The following RGS7 variants were observed in gnomAD, a reference collection of about 807,000 sequenced individuals.
RGS7 encodes the protein regulator of G-protein signaling 7.
In RGS7, 27 loss-of-function variants were observed where a neutral mutation model predicts 81.1. The observed-to-expected ratio is 0.33, with a 90% confidence interval of 0.25 to 0.46. The LOEUF is 0.46. Ranked by LOEUF, RGS7 falls within the 20% of genes least tolerant of loss-of-function variation. The pLI is 1.00. For synonymous variants in RGS7, 208 were observed against 207.7 expected (o/e 1.00, Z -0.01); for missense variants, 396 against 607.4 (o/e 0.65, Z 3.66).
chr1:240,941,181 G>A (rs889677481), intron 4 of RGS7, among the ~76,000 whole-genome samples: 19 of 152,140 alleles, frequency 1.2e-4, no homozygotes, highest in African/African-American at 4.6e-4. Context: ...ATTTCTATGT[G>A]AGTCACACAC....
intron 3 of RGS7, among the ~76,000 whole-genome samples, chr1:240,997,747 C>T (rs941503339): frequency 6.6e-6 from 1 of 152,144 alleles, no homozygotes; most frequent in Non-Finnish European, 1.5e-5. Context: ...TCACGTGAAT[C>T]CAGGAGACAG....
At chr1:241,131,228 GA>G (rs1267292670) in intron 2 of RGS7, among the ~76,000 whole-genome samples, 2 of 151,530 alleles carry the variant, frequency 1.3e-5, no homozygotes, top group Non-Finnish European at 1.5e-5. Context: ...TAGCACATAG[GA>G]AAAAAAAGCC....
intron 2 of RGS7, among the ~76,000 whole-genome samples, chr1:241,314,409 CAATAAAGA>C (rs1404870762): frequency 6.6e-6 from 1 of 152,140 alleles, no homozygotes; most frequent in Non-Finnish European, 1.5e-5. Flanking sequence ...CAATTTTTAG[CAATAAAGA>C]ATTTCTAAGT....
At position 241,180,737 on chromosome 1, in the gene RGS7, C is replaced by T. The variant is rs151007566; in HGVS notation, c.79-81975G>A. ...TCAAGAGTCAAAGGGTTTCAGAACT[C>T]CTGACTCTGCTGTGAATTTGATGTG... On this transcript the variant is annotated intron_variant, in intron 2 of 18. Coordinates refer to ENST00000440928, the MANE Select transcript of RGS7 (RefSeq NM_001364886.1). Among the ~76,000 whole-genome samples the T allele has an allele frequency of 7.2e-4, 109 of 152,302 alleles. 1 individual carries two copies. The highest frequency in any genetic ancestry group is 2.5e-3 in the African/African-American group (105 of 41,566).
intron 10 of RGS7, among the ~76,000 whole-genome samples, chr1:240,818,118 T>A (rs561896688): frequency 6.6e-6 from 1 of 152,128 alleles, no homozygotes; most frequent in South Asian, 2.1e-4. Context: ...GAAATGGCCA[T>A]CCATTTCAAC....
At chr1:240,910,195 T>A (rs762567200) in intron 6 of RGS7, among the ~76,000 whole-genome samples, 2 of 152,240 alleles carry the variant, frequency 1.3e-5, no homozygotes, top group Non-Finnish European at 2.9e-5. Context: ...AAGTTTCGGT[T>A]CCTCAAAAGG....
chr1:240,805,766 T>C (rs980285442), intron 15 of RGS7, among the ~76,000 whole-genome samples: 1 of 152,148 alleles, frequency 6.6e-6, no homozygotes, highest in African/African-American at 2.4e-5. Flanking sequence ...ACATTGAAGA[T>C]GCCTTAAAGA....
intron 3 of RGS7, among the ~76,000 whole-genome samples, chr1:241,060,258 C>G (rs936504736): frequency 6.6e-5 from 10 of 152,100 alleles, no homozygotes; most frequent in African/African-American, 2.4e-4. Context: ...AATGCCAAAC[C>G]ACTTACAGTG....
intron 14 of RGS7, among the ~76,000 whole-genome samples, chr1:240,808,009 T>C (rs1426007928): frequency 1.6e-5 from 2 of 126,770 alleles, no homozygotes; most frequent in Non-Finnish European, 3.2e-5. Flanking sequence ...CACTCTAGCC[T>C]GGGCAACAAG....
intron 2 of RGS7, among the ~76,000 whole-genome samples, chr1:241,182,431 T>C (rs1186599423): frequency 6.6e-6 from 1 of 152,188 alleles, no homozygotes; most frequent in East Asian, 1.9e-4. Flanking sequence ...ACAAAGCATT[T>C]GGGACACACA....
chr1:240,963,722 G>A (rs545614073), intron 4 of RGS7, among the ~76,000 whole-genome samples: 1 of 152,216 alleles, frequency 6.6e-6, no homozygotes, highest in Non-Finnish European at 1.5e-5. Flanking sequence ...AGCTGAGTTT[G>A]TGAAAATAGG....
At chr1:240,914,977 A>G (rs1672358667) in intron 6 of RGS7, among the ~76,000 whole-genome samples, 2 of 152,200 alleles carry the variant, frequency 1.3e-5, no homozygotes, top group Admixed American at 1.3e-4. Context: ...GATTAATTTG[A>G]GCATTAAAAA....
chr1:241,204,982 AATTT>A (rs2073780544), intron 2 of RGS7, among the ~76,000 whole-genome samples: 1 of 152,086 alleles, frequency 6.6e-6, no homozygotes, highest in South Asian at 2.1e-4. Context: ...CACAAAAGTA[AATTT>A]ATTTATTAAT....
chr1:240,873,368 T>A (rs261820), intron 6 of RGS7, among the ~76,000 whole-genome samples: 52,234 of 152,012 alleles, frequency 0.34, 9,582 homozygotes, highest in African/African-American at 0.46. Context: ...CTCCCTGCAG[T>A]AGTTTTCTGG....
intron 2 of RGS7, among the ~76,000 whole-genome samples, chr1:241,131,193 A>G (rs1034683778): frequency 2.2e-4 from 33 of 152,172 alleles, no homozygotes; most frequent in Non-Finnish European, 1.6e-4. Context: ...AGTCATATTG[A>G]TTCTCAAATT....
chr1:241,127,317 G>A (rs12072558), intron 2 of RGS7, among the ~76,000 whole-genome samples: 10,002 of 152,086 alleles, frequency 0.066, 1,017 homozygotes, highest in African/African-American at 0.22. Context: ...GATAAAGCAC[G>A]TCTCAACACA....
At chr1:240,993,387 C>G (rs1686809777) in intron 3 of RGS7, among the ~76,000 whole-genome samples, 1 of 152,160 alleles carries the variant, frequency 6.6e-6, no homozygotes, top group African/African-American at 2.4e-5. Flanking sequence ...TCCTTGCTAA[C>G]ATTAGTGTTC....
intron 6 of RGS7, among the ~76,000 whole-genome samples, chr1:240,925,943 T>G (rs1446510196): frequency 6.6e-6 from 1 of 152,206 alleles, no homozygotes; most frequent in Non-Finnish European, 1.5e-5. Context: ...AAGTGTCTGC[T>G]CATGTCCCTT....
intron 2 of RGS7, among the ~76,000 whole-genome samples, chr1:241,328,727 T>G (rs1211628773): frequency 6.6e-6 from 1 of 152,158 alleles, no homozygotes; most frequent in Non-Finnish European, 1.5e-5. Context: ...CTCTAATACC[T>G]TACACTGTCT....
Sources: gnomAD v4.1 joint callset for allele counts (sites outside exome capture counted in the v4.1 genomes callset) on GRCh38, gnomAD v4.1.1 for gene constraint, MANE v1.5 for transcripts, NCBI Gene and HGNC (gene_info 2026-07-23, HGNC 2026-07-21) for gene names.